Variants in ABLIM3 observed in about 807,000 individuals in gnomAD.
ABLIM3 encodes actin-binding LIM protein 3.
In ABLIM3, 61 loss-of-function variants were observed where a neutral mutation model predicts 109.5. The observed-to-expected ratio is 0.56, with a 90% CI of 0.45 to 0.69. ABLIM3 has a LOEUF of 0.69. Among genes scored for constraint, ABLIM3 ranks in the 30% least tolerant of loss-of-function variants. The pLI is 0.00. For synonymous variants in ABLIM3, 300 were observed against 324.8 expected (o/e 0.92, Z 0.82); for missense variants, 796 against 889.5 (o/e 0.89, Z 1.34).
chr5:149,259,118 G>T lies in ABLIM3; in HGVS notation c.*714G>T. On this transcript the variant is annotated 3_prime_UTR_variant, in exon 24 of 24. Coordinates refer to ENST00000309868, the MANE Select transcript of ABLIM3 (RefSeq NM_014945.5). ...CCCTTCCCTCCACCACTTCCAACTG[G>T]CCCCTTTGCCTGACCTGGACTTGGA... 1 of 1,013,280 alleles carries T rather than the reference G, an allele frequency of 9.9e-7. No individual in the cohort carries two copies. The highest frequency in any genetic ancestry group is 1.2e-6 in the Non-Finnish European group (1 of 847,212). The allele number at this position is 1,013,280 out of a possible 1,614,324, so 62.8% of individuals were successfully genotyped here. A position where few individuals can be genotyped will look rare whatever the true frequency, so the allele number is the denominator to read the frequency against.
chr5:149,154,895 C>T (rs142979937), intron 2 of ABLIM3, among the ~76,000 whole-genome samples: 3 of 152,230 alleles, frequency 2.0e-5, no homozygotes, highest in Non-Finnish European at 2.9e-5. Context: ...CACAAGAGTC[C>T]TAGAAAGAGG....
In ABLIM3 at chr5:149,198,154, G is replaced by A. The variant is rs1250449874; in HGVS notation, c.152-65G>A. ...GAGACACCAGCCTTTCCCCCAGCGA[G>A]GACCTTCTGCTTACAGACCCTCCCT... On this transcript the variant is annotated intron_variant, in intron 3 of 23. Transcript: ENST00000309868. This position sits in a 1 kb window ranked among gnomAD's most constrained non-coding sequence, Gnocchi z 4.2. 6.7e-7 allele frequency: 1 copy of A among 1,502,022 alleles called. No homozygotes were observed. The highest frequency in any genetic ancestry group is 1.3e-5 in the South Asian group (1 of 77,500). 93.0% of individuals were successfully genotyped at this position (1,502,022 alleles called of 1,614,324 possible).
chr5:149,175,355 A>G (rs1755829734), intron 2 of ABLIM3, among the ~76,000 whole-genome samples: 1 of 152,158 alleles, frequency 6.6e-6, no homozygotes, highest in African/African-American at 2.4e-5. Context: ...TAGCTTTTGA[A>G]TTTTAAAATC....
At chr5:149,235,020 T>C (rs1762208764) in intron 10 of ABLIM3, among the ~76,000 whole-genome samples, 2 of 152,236 alleles carry the variant, frequency 1.3e-5, no homozygotes, top group South Asian at 4.1e-4. Flanking sequence ...GAATTTATGA[T>C]GGCAGCTAGG....
chr5:149,150,087 G>A (rs1373558448), intron 2 of ABLIM3, among the ~76,000 whole-genome samples: 1 of 152,174 alleles, frequency 6.6e-6, no homozygotes, highest in Non-Finnish European at 1.5e-5. Flanking sequence ...CCAATCAGGA[G>A]CCAGAGGGCA....
chr5:149,185,380 G>A (rs78087843), intron 3 of ABLIM3, among the ~76,000 whole-genome samples: 9,400 of 152,192 alleles, frequency 0.062, 700 homozygotes, highest in African/African-American at 0.18. Flanking sequence ...CAAGTACAAT[G>A]AGAGAACAAG....
At chr5:149,226,213 G>A (rs566346356) in intron 8 of ABLIM3, among the ~76,000 whole-genome samples, 2 of 151,636 alleles carry the variant, frequency 1.3e-5, no homozygotes, top group Non-Finnish European at 2.9e-5. Context: ...GAGGCCAGGC[G>A]CAGTGGCTCA....
At chr5:149,236,469 T>G (rs902421452) in intron 10 of ABLIM3, among the ~76,000 whole-genome samples, 5 of 152,026 alleles carry the variant, frequency 3.3e-5, no homozygotes, top group Non-Finnish European at 7.4e-5. Context: ...AGATCCTGGT[T>G]GATCATAGCA....
chr5:149,154,129 T>TATC (rs1329360138), intron 2 of ABLIM3, among the ~76,000 whole-genome samples: 1 of 152,222 alleles, frequency 6.6e-6, no homozygotes, highest in East Asian at 1.9e-4. Context: ...AAGCACACTC[T>TATC]ATCAAGTGCC....
chr5:149,180,761 T>C (rs76220492), intron 2 of ABLIM3, among the ~76,000 whole-genome samples: 7,876 of 152,262 alleles, frequency 0.052, 586 homozygotes, highest in African/African-American at 0.17. Flanking sequence ...AGCATCCTTC[T>C]CTTGAGGGGA....
At chr5:149,171,651 G>A (rs1755445231) in intron 2 of ABLIM3, among the ~76,000 whole-genome samples, 2 of 152,198 alleles carry the variant, frequency 1.3e-5, no homozygotes, top group Non-Finnish European at 2.9e-5. Flanking sequence ...GTTAGGATCT[G>A]ACAGCTTGTG....
intron 23 of ABLIM3, among the ~76,000 whole-genome samples, chr5:149,257,906 T>C (rs1249546356): frequency 1.3e-5 from 2 of 152,188 alleles, no homozygotes; most frequent in Non-Finnish European, 1.5e-5. Context: ...TGGCTCCTTT[T>C]TCTCTCAACG....
intron 23 of ABLIM3, among the ~76,000 whole-genome samples, chr5:149,257,010 T>C (rs989761971): frequency 4.6e-5 from 7 of 152,158 alleles, no homozygotes; most frequent in African/African-American, 1.7e-4. Context: ...ATGGGGAAAA[T>C]GTTAGTTCAC....
Position 149,141,862 on chromosome 5 carries a change from G to T in ABLIM3, c.-87-147G>T, listed in dbSNP as rs190676273. 1.1e-3 allele frequency: 680 copies of T among 593,438 alleles called. 5 individuals carry two copies. In the African/African-American group the frequency reaches 0.012, roughly 10 times the overall value. The allele number at this position is 593,438 out of a possible 1,614,324, so 36.8% of individuals were successfully genotyped here. A position where few individuals can be genotyped will look rare whatever the true frequency, so the allele number is the denominator to read the frequency against. On this transcript the variant is annotated intron_variant, in intron 1 of 23. Coordinates refer to ENST00000309868, the MANE Select transcript of ABLIM3 (RefSeq NM_014945.5). Reference sequence around the variant, plus strand: ...AGGACCGGGGCGCCGGTGTCCTGCCGCCTCCTTCTCCTTGCTCTCACCTGC... The same window carrying T: ...AGGACCGGGGCGCCGGTGTCCTGCCTCCTCCTTCTCCTTGCTCTCACCTGC...
At chr5:149,219,966 G>A (rs1760480078) in intron 8 of ABLIM3, 1 of 152,124 alleles carries the variant, frequency 6.6e-6, no homozygotes, top group African/African-American at 2.4e-5. Context: ...CCTCAGGGGG[G>A]ATCCTGGCTC....
rs187349194 is a variant in ABLIM3, at chr5:149,160,985, G to A, written c.13+18877G>A. On this transcript the variant is annotated intron_variant, in intron 2 of 23. Coordinates refer to ENST00000309868, the MANE Select transcript of ABLIM3 (RefSeq NM_014945.5). ...TTCCCATCTCTCGGCCAGCCATGGG[G>A]CTTCTTAGCCCTAATCCCCTCCCTC... Among the ~76,000 whole-genome samples the A allele has an allele frequency of 4.3e-3, 655 of 152,284 alleles. 2 individuals are homozygous for A. The highest frequency in any genetic ancestry group is 0.015 in the African/African-American group (613 of 41,542).
chr5:149,239,202 T>C (rs2127557168), intron 11 of ABLIM3, 46 bp from the exon 12 acceptor site: 1 of 1,606,276 alleles, frequency 6.2e-7, no homozygotes, highest in African/African-American at 1.3e-5. Context: ...CTCCTCTCAT[T>C]CCTTCTGCTC....
intron 11 of ABLIM3, 107 bp from the exon 12 acceptor site, chr5:149,239,141 G>A: frequency 9.0e-7 from 1 of 1,117,290 alleles, no homozygotes; most frequent in South Asian, 1.3e-5. Context: ...AGGAACTGCT[G>A]CAAACCCTCT....
chr5:149,144,868 G>A (rs1752777423), intron 2 of ABLIM3, among the ~76,000 whole-genome samples: 1 of 152,180 alleles, frequency 6.6e-6, no homozygotes, highest in Non-Finnish European at 1.5e-5. Flanking sequence ...TTGTACACAT[G>A]GGGATTGGTA....
Sources: gnomAD v4.1 joint callset for allele counts (sites outside exome capture counted in the v4.1 genomes callset) on GRCh38, gnomAD v4.1.1 for gene constraint, Gnocchi (gnomAD v3.1) non-coding constraint, MANE v1.5 for transcripts, NCBI Gene and HGNC (gene_info 2026-07-23, HGNC 2026-07-21) for gene names.